The following FEZ1 variants were observed in gnomAD, a reference collection of about 807,000 sequenced individuals.
The protein encoded by FEZ1 is fasciculation and elongation protein zeta-1.
A neutral mutation model predicts 49.3 loss-of-function variants in FEZ1; 20 were observed. The ratio of observed to expected loss-of-function variants is 0.41; its 90% CI spans 0.29 to 0.59. The LOEUF (loss-of-function observed/expected upper bound fraction) is 0.59. FEZ1 is among the 20% of genes least tolerant of loss of function. FEZ1 has a pLI of 0.36. For synonymous variants in FEZ1, 170 were observed against 180.9 expected, an observed-to-expected ratio of 0.94 and a Z score of 0.48; for missense variants, 413 against 476.0, an observed-to-expected ratio of 0.87 and a Z score of 1.23.
intron 1 of FEZ1, among the ~76,000 whole-genome samples, chr11:125,493,965 A>ACCTATC (rs139060800): frequency 0.012 from 1,827 of 152,274 alleles, 33 homozygotes; most frequent in African/African-American, 0.032. Context: ...TGCTGAAAGC[A>ACCTATC]CTCTGCCCAG....
chr11:125,488,451 C>T lies in FEZ1; in HGVS notation c.311+1016G>A, dbSNP rs577867929. On this transcript the variant is annotated intron_variant, in intron 2 of 9. Transcript: ENST00000278919. ...ATCCCAGCACTTTGGGAGGCCAAGGCGGGCAAATCACCAGGTCAGGAGTTC... is the reference window on the plus strand; with the variant it reads ...ATCCCAGCACTTTGGGAGGCCAAGGTGGGCAAATCACCAGGTCAGGAGTTC... 4.5e-3 allele frequency among the ~76,000 whole-genome samples: 689 copies of T among 152,280 alleles called. 5 individuals are homozygous for T. The highest frequency in any genetic ancestry group is 7.3e-3 in the Non-Finnish European group (499 of 68,008).
Position 125,460,598 on chromosome 11 carries a change from T to A in FEZ1, c.567A>T (p.Glu189Asp), listed in dbSNP as rs1228729531. Residue 189 changes from glutamate to aspartate, a missense_variant, in exon 5 of 10, where the codon GAA (glutamate) becomes GAT (aspartate). By Grantham distance (45) the Glu-to-Asp change is conservative. Transcript: ENST00000278919. ...PDPEEEEEVL[E>D]EEDGGETSSQ... is the part of the protein sequence containing the mutation. ...AGGAAGTTTCTCCTCCATCCTCTTC[T>A]TCCAGAACCTCCTCTTCTTCCTCAG... 1.9e-6 allele frequency: 3 copies of A among 1,614,124 alleles called. No individual in the cohort carries two copies. Among genetic ancestry groups the A allele is most frequent in the Non-Finnish European group, 2.5e-6 (3 of 1,180,002 alleles).
chr11:125,493,504 AAGAG>A (rs752279021), intron 1 of FEZ1, among the ~76,000 whole-genome samples: 9,208 of 85,074 alleles, frequency 0.11, 1,605 homozygotes, highest in African/African-American at 0.12. Flanking sequence ...GAAAGAAAGA[AAGAG>A]AGAAAGAAAG....
At chr11:125,458,794 C>T (rs1403892521) in intron 5 of FEZ1, among the ~76,000 whole-genome samples, 2 of 152,138 alleles carry the variant, frequency 1.3e-5, no homozygotes, top group Admixed American at 6.5e-5. Context: ...TCGGGCCGGG[C>T]GCAGTGGGTC....
At chr11:125,447,132 T>C (rs1402870727) in intron 9 of FEZ1, among the ~76,000 whole-genome samples, 1 of 152,126 alleles carries the variant, frequency 6.6e-6, no homozygotes, top group Non-Finnish European at 1.5e-5. Context: ...AATCAGACAA[T>C]ATATGTCACC....
chr11:125,482,861 G>T (rs947918203), intron 2 of FEZ1, among the ~76,000 whole-genome samples: 1 of 151,230 alleles, frequency 6.6e-6, no homozygotes, highest in Non-Finnish European at 1.5e-5. Context: ...CTACTTGAGA[G>T]GCTTGAAGTG....
chr11:125,447,562 C>G lies in FEZ1; in HGVS notation c.1162+940G>C, dbSNP rs1417046838. 2.0e-5 allele frequency among the ~76,000 whole-genome samples: 3 copies of G among 152,186 alleles called. No individual in the cohort carries two copies. The East Asian group carries it at 5.8e-4, about 29-fold the overall frequency. On this transcript the variant is annotated intron_variant, in intron 9 of 9. Coordinates refer to ENST00000278919, the MANE Select transcript of FEZ1 (RefSeq NM_005103.5). The stretch of plus-strand genomic sequence containing the variant: ...CTTGGCTGGGCACAGTGGCTCATTC[C>G]TGTAATCCCAGCACTTTGGGAGGCC...
intron 3 of FEZ1, among the ~76,000 whole-genome samples, chr11:125,469,551 C>A (rs1299949841): frequency 6.6e-6 from 1 of 152,082 alleles, no homozygotes; most frequent in African/African-American, 2.4e-5. Flanking sequence ...TGAGCTATCA[C>A]CAGCCATTTT....
intron 1 of FEZ1, among the ~76,000 whole-genome samples, chr11:125,494,090 G>GT (rs1565307732): frequency 6.6e-6 from 1 of 152,236 alleles, no homozygotes; most frequent in African/African-American, 2.4e-5. Flanking sequence ...TAGACTGATT[G>GT]TTTTTTGTCA....
intron 7 of FEZ1, chr11:125,453,406 T>C (rs1385711812): frequency 6.6e-6 from 1 of 152,160 alleles, no homozygotes; most frequent in Non-Finnish European, 1.5e-5. Context: ...CTCTAGACTC[T>C]CTAGAATTCT....
intron 3 of FEZ1, among the ~76,000 whole-genome samples, chr11:125,481,297 G>A (rs1021394704): frequency 5.3e-5 from 8 of 151,760 alleles, no homozygotes; most frequent in African/African-American, 1.5e-4. Context: ...ACAAGCATGC[G>A]CCACCATGCC....
chr11:125,493,394 GAAAGAA>G (rs1957407939), intron 1 of FEZ1, among the ~76,000 whole-genome samples: 1 of 59,322 alleles, frequency 1.7e-5, no homozygotes, highest in African/African-American at 8.5e-5. Flanking sequence ...AAGAAAGAAA[GAAAGAA>G]AGAAAGAAAG....
rs1260697022 is a variant in FEZ1, at chr11:125,457,426, AAAAATAT to A, written c.668-1327_668-1321del. The stretch of plus-strand genomic sequence containing the variant: ...TTTAAAAAAAAAAAAAAAAAAAAAA[AAAAATAT>A]ATATATATATATATATATGTATATA... On this transcript the variant is annotated intron_variant, in intron 5 of 9. Transcript: ENST00000278919. Among the ~76,000 whole-genome samples, 12 of 37,432 alleles carry A rather than the reference AAAAATAT, an allele frequency of 3.2e-4. No individual in the cohort carries two copies. In the East Asian group the frequency reaches 0.01, roughly 32 times the overall value. 24.6% of individuals were successfully genotyped at this position (37,432 alleles called of 152,430 possible). A position where few individuals can be genotyped will look rare whatever the true frequency, so the allele number is the denominator to read the frequency against.
At chr11:125,458,545 T>C (rs577941669) in intron 5 of FEZ1, among the ~76,000 whole-genome samples, 1 of 152,290 alleles carries the variant, frequency 6.6e-6, no homozygotes, top group South Asian at 2.1e-4. Flanking sequence ...ATGAGAGGCT[T>C]GATTCTCCCC....
rs750400758 is a variant in FEZ1, at chr11:125,448,477, C to T, written c.1162+25G>A. The stretch of plus-strand genomic sequence containing the variant: ...GGAGCTCCAGAGAACCCCTTCTGCT[C>T]CAGGAGGCCTGGGGCTGCTCTTACC... On this transcript the variant is annotated intron_variant, in intron 9 of 9. Coordinates refer to ENST00000278919, the MANE Select transcript of FEZ1 (RefSeq NM_005103.5). 1.9e-6 allele frequency: 3 copies of T among 1,553,452 alleles called. No individual in the cohort carries two copies. The South Asian group carries it at 3.3e-5, about 17-fold the overall frequency.
In FEZ1 at chr11:125,455,879, G is replaced by A. The variant is rs868391010; in HGVS notation, c.895C>T (p.Leu299=). 1 of 1,613,886 alleles carries A rather than the reference G, an allele frequency of 6.2e-7. No homozygotes were observed. Among genetic ancestry groups the A allele is most frequent in the Non-Finnish European group, 8.5e-7 (1 of 1,179,982 alleles). ...CCCTTCTCTATCCGGCTGCTCTGCAGGCTCAGCCCTTTCTCTTTCCGCCTC... is the reference window on the plus strand; with the variant it reads ...CCCTTCTCTATCCGGCTGCTCTGCAAGCTCAGCCCTTTCTCTTTCCGCCTC... ...KKRRKEKGLS[L]QSSRIEKGNQ... Residue 299 remains leucine, a synonymous_variant, in exon 6 of 10, where the codon CTG becomes TTG. Transcript: ENST00000278919.
At chr11:125,459,287 T>C (rs917689048) in intron 5 of FEZ1, among the ~76,000 whole-genome samples, 1 of 151,956 alleles carries the variant, frequency 6.6e-6, no homozygotes, top group African/African-American at 2.4e-5. Context: ...TTAGTGCTTA[T>C]TCAATAATAA....
At chr11:125,457,420 AAAAAAAAAAATATATAT>A (rs1957022133) in intron 5 of FEZ1, among the ~76,000 whole-genome samples, 1 of 52,538 alleles carries the variant, frequency 1.9e-5, no homozygotes, top group African/African-American at 7.5e-5. Context: ...AAAAAAAAAA[AAAAAAAAAAATATATAT>A]ATATATATAT....
intron 9 of FEZ1, among the ~76,000 whole-genome samples, chr11:125,448,104 T>A (rs1349855514): frequency 1.3e-5 from 2 of 152,188 alleles, no homozygotes; most frequent in Non-Finnish European, 2.9e-5. Flanking sequence ...TACAACCAGT[T>A]TCCATAAGAC....
Sources: allele counts gnomAD v4.1 joint callset (sites outside exome capture counted in the v4.1 genomes callset), GRCh38; gene constraint gnomAD v4.1.1; transcripts MANE v1.5; gene names NCBI Gene and HGNC (gene_info 2026-07-23, HGNC 2026-07-21).